Variants in RAP1GDS1 observed in about 807,000 individuals in gnomAD.
RAP1GDS1 encodes RAP1, GTP-GDP dissociation stimulator 1.
In RAP1GDS1, 35 loss-of-function variants were observed where a neutral mutation model predicts 71.1. That is an observed-to-expected ratio of 0.49 (90% CI 0.38 to 0.65). The LOEUF is 0.65. RAP1GDS1 is among the 30% of genes least tolerant of loss of function. The pLI is 0.00. For missense variants in RAP1GDS1, 663 were observed against 706.1 expected (o/e 0.94, Z 0.69); for synonymous variants, 229 against 243.1 (o/e 0.94, Z 0.54).
Position 98,421,362 on chromosome 4 carries a change from C to T in RAP1GDS1, c.1408C>T (p.Leu470=), listed in dbSNP as rs575756146. Residue 470 remains leucine (L), a synonymous_variant, in exon 12 of 15, where the codon CTG becomes TTG. Coordinates refer to ENST00000408927, the MANE Select transcript of RAP1GDS1 (RefSeq NM_001100427.2). The part of the protein sequence containing the change: ...AGVMGESNRL[L]SALIRHSKSK... The stretch of plus-strand genomic sequence containing the variant: ...TGTGATGGGGGAGTCAAACAGACTG[C>T]TGTCTGCCCTTATACGACACAGTAA... 1.6e-5 allele frequency: 25 copies of T among 1,607,278 alleles called. 1 individual carries two copies. The South Asian group carries it at 2.3e-4, about 15-fold the overall frequency.
intron 5 of RAP1GDS1, among the ~76,000 whole-genome samples, chr4:98,380,724 T>C (rs909601111): frequency 4.0e-5 from 6 of 151,804 alleles, no homozygotes; most frequent in African/African-American, 1.4e-4. Flanking sequence ...TATTGTTTTC[T>C]TTGCTTTTAA....
intron 1 of RAP1GDS1, among the ~76,000 whole-genome samples, chr4:98,286,962 G>A (rs1161172042): frequency 1.4e-5 from 2 of 147,166 alleles, no homozygotes; most frequent in Non-Finnish European, 3.0e-5. Flanking sequence ...TTCTAAAATA[G>A]AGAAGATGAC....
intron 1 of RAP1GDS1, among the ~76,000 whole-genome samples, chr4:98,285,223 G>A (rs1725793906): frequency 6.6e-6 from 1 of 152,162 alleles, no homozygotes; most frequent in African/African-American, 2.4e-5. Context: ...TGTTAACTGA[G>A]TTTTTCTTTC....
chr4:98,385,314 G>C (rs1359617580), intron 5 of RAP1GDS1, among the ~76,000 whole-genome samples: 1 of 151,688 alleles, frequency 6.6e-6, no homozygotes, highest in Non-Finnish European at 1.5e-5. Context: ...GGTCTTTACT[G>C]TAAGTGTTCC....
At chr4:98,413,189 C>A (rs1006321913) in intron 7 of RAP1GDS1, among the ~76,000 whole-genome samples, 1 of 151,492 alleles carries the variant, frequency 6.6e-6, no homozygotes, top group Non-Finnish European at 1.5e-5. Flanking sequence ...GACCTCCCCC[C>A]AGGAATGCAA....
At chr4:98,276,074 G>A (rs1293154346) in intron 1 of RAP1GDS1, among the ~76,000 whole-genome samples, 3 of 152,122 alleles carry the variant, frequency 2.0e-5, no homozygotes, top group Non-Finnish European at 4.4e-5. Context: ...TGACTGGGAA[G>A]TTCAAGATCA....
At chr4:98,360,101 A>G (rs914719350) in intron 4 of RAP1GDS1, among the ~76,000 whole-genome samples, 5 of 152,158 alleles carry the variant, frequency 3.3e-5, no homozygotes, top group African/African-American at 1.2e-4. Flanking sequence ...AGATTCTATA[A>G]AGTTTACCTT....
intron 3 of RAP1GDS1, 122 bp from the exon 4 acceptor site, chr4:98,352,354 A>G (rs1459851051): frequency 9.7e-7 from 1 of 1,032,698 alleles, no homozygotes; most frequent in Non-Finnish European, 1.4e-6. Context: ...ATATTCAGCC[A>G]CCTTTTCAAG....
intron 4 of RAP1GDS1, among the ~76,000 whole-genome samples, chr4:98,355,804 A>G (rs1737878587): frequency 6.6e-6 from 1 of 152,170 alleles, no homozygotes; most frequent in Admixed American, 6.5e-5. Context: ...ACGGCCTTAT[A>G]TAATCCTGAC....
At chr4:98,346,819 C>T (rs917684692) in intron 3 of RAP1GDS1, among the ~76,000 whole-genome samples, 3 of 152,210 alleles carry the variant, frequency 2.0e-5, no homozygotes, top group African/African-American at 7.2e-5. Context: ...GCTGGGATTA[C>T]AGGCGTGAGC....
chr4:98,356,021 G>A (rs1737920628), intron 4 of RAP1GDS1, among the ~76,000 whole-genome samples: 1 of 152,086 alleles, frequency 6.6e-6, no homozygotes, highest in Non-Finnish European at 1.5e-5. Context: ...CGAAGTATCC[G>A]AACAGACTTC....
At chr4:98,408,465 C>G (rs1320266575) in intron 7 of RAP1GDS1, among the ~76,000 whole-genome samples, 1 of 151,956 alleles carries the variant, frequency 6.6e-6, no homozygotes, top group Non-Finnish European at 1.5e-5. Flanking sequence ...ATGACTGATA[C>G]AAGAATAGAA....
At chr4:98,279,120 A>G (rs1443533479) in intron 1 of RAP1GDS1, among the ~76,000 whole-genome samples, 1 of 151,996 alleles carries the variant, frequency 6.6e-6, no homozygotes, top group East Asian at 1.9e-4. Context: ...GCTACTTGGG[A>G]GGCTGAGGCA....
intron 3 of RAP1GDS1, among the ~76,000 whole-genome samples, chr4:98,348,096 C>T (rs1238592960): frequency 6.6e-6 from 1 of 152,106 alleles, no homozygotes; most frequent in East Asian, 1.9e-4. Flanking sequence ...GGTATATCTC[C>T]TAATGCTATC....
intron 4 of RAP1GDS1, among the ~76,000 whole-genome samples, chr4:98,374,032 T>A (rs551564293): frequency 1.1e-4 from 17 of 152,316 alleles, no homozygotes; most frequent in African/African-American, 4.1e-4. Flanking sequence ...TTATTTTTTT[T>A]ATTTCTGGAA....
intron 2 of RAP1GDS1, among the ~76,000 whole-genome samples, chr4:98,317,062 T>A (rs2110332033): frequency 6.6e-6 from 1 of 152,248 alleles, no homozygotes; most frequent in East Asian, 1.9e-4. Context: ...TTTTCCTCTC[T>A]GCTTGAGAGG....
At chr4:98,430,275 A>T (rs764595402) in intron 12 of RAP1GDS1, among the ~76,000 whole-genome samples, 2 of 152,200 alleles carry the variant, frequency 1.3e-5, no homozygotes, top group Non-Finnish European at 2.9e-5. Flanking sequence ...CAACTTTAGG[A>T]TTACAATTCA....
rs770039686 is a variant in RAP1GDS1, at chr4:98,285,157, G to A, written c.5-8251G>A. The stretch of plus-strand genomic sequence containing the variant: ...AACACTGAAAAGATACATTTCCTCA[G>A]TGAGCAATAGATTGCTATTGAAATT... On this transcript the variant is annotated intron_variant, in intron 1 of 14. Transcript: ENST00000408927. Among the ~76,000 whole-genome samples the A allele has an allele frequency of 5.2e-4, 79 of 152,134 alleles. 1 individual carries two copies. The highest frequency in any genetic ancestry group is 2.4e-3 in the Admixed American group (36 of 15,256).
chr4:98,412,520 C>CA (rs963081242), intron 7 of RAP1GDS1, among the ~76,000 whole-genome samples: 12 of 152,006 alleles, frequency 7.9e-5, no homozygotes, highest in Admixed American at 5.9e-4. Context: ...GTCTCTTAAA[C>CA]AAAAAATCTG....
Sources: gnomAD v4.1 joint callset for allele counts (sites outside exome capture counted in the v4.1 genomes callset) on GRCh38, gnomAD v4.1.1 for gene constraint, MANE v1.5 for transcripts, NCBI Gene and HGNC (gene_info 2026-07-23, HGNC 2026-07-21) for gene names.